SYCE1: variants seen among roughly 807,000 people sequenced by gnomAD.
SYCE1 encodes the protein cancer/testis antigen 76.
A neutral mutation model predicts 55.1 loss-of-function variants in SYCE1; 37 were observed. The ratio of observed to expected loss-of-function variants is 0.67; its 90% confidence interval spans 0.52 to 0.88. SYCE1 has a LOEUF of 0.88. SYCE1 is among the 40% of genes least tolerant of loss of function. The probability of loss-of-function intolerance (pLI) is 0.00; values close to 1 mark genes in which losing one functional copy is unlikely to be tolerated. For missense variants in SYCE1, 399 were observed against 416.4 expected (o/e 0.96, Z 0.36); for synonymous variants, 163 against 159.4 (o/e 1.02, Z -0.17).
intron 2 of SYCE1, 188 bp from the exon 3 acceptor site, chr10:133,559,548 G>T (rs1488554986): frequency 1.6e-6 from 1 of 611,150 alleles, no homozygotes; most frequent in Non-Finnish European, 3.0e-6. Flanking sequence ...ATAAGATACC[G>T]AATGGGGCTG....
At chr10:133,560,350 C>T (rs1851791060) in intron 1 of SYCE1, 197 bp from the exon 2 acceptor site, 1 of 488,348 alleles carries the variant, frequency 2.0e-6, no homozygotes, top group African/African-American at 2.0e-5. Flanking sequence ...TACCAGATAT[C>T]CTCTTTGTAA....
chr10:133,559,126 G>T (rs138940549), intron 3 of SYCE1, 175 bp from the exon 4 acceptor site: 2 of 913,160 alleles, frequency 2.2e-6, no homozygotes, highest in Admixed American at 4.9e-5. Flanking sequence ...AGGATCATGG[G>T]CATGTAACTA....
At position 133,558,765 on chromosome 10, in the gene SYCE1, A is replaced by G. The variant is rs538529076; in HGVS notation, c.271+112T>C. The G allele has an allele frequency of 2.6e-4, 268 of 1,018,760 alleles. 8 individuals carry two copies. The South Asian group carries it at 3.8e-3, about 15-fold the overall frequency. The allele number at this position is 1,018,760 out of a possible 1,614,324, so 63.1% of individuals were successfully genotyped here. A position where few individuals can be genotyped will look rare whatever the true frequency, so the allele number is the denominator to read the frequency against. On this transcript the variant is annotated intron_variant, in intron 4 of 12. Transcript: ENST00000343131. ...GGGGAGATTGGCAGGACATGAGGCT[A>G]GAGAGGGTACAGGACCCTTGGCCAT... is the stretch of plus-strand genomic sequence containing the variant.
upstream of SYCE1, among the ~76,000 whole-genome samples, chr10:133,567,143 A>G (rs1200714577): frequency 6.8e-6 from 1 of 147,004 alleles, no homozygotes; most frequent in East Asian, 2.1e-4. Context: ...GGTTAGGGTT[A>G]GGGGTCAGGG....
At chr10:133,564,011 A>C (rs1355350580) in intron 1 of SYCE1, among the ~76,000 whole-genome samples, 1 of 152,110 alleles carries the variant, frequency 6.6e-6, no homozygotes, top group Non-Finnish European at 1.5e-5. Flanking sequence ...TAAAACAGAT[A>C]GACTAAAACT....
At chr10:133,558,135 C>T (rs947789758) in intron 5 of SYCE1, 32 bp downstream of exon 5, 6 of 1,613,832 alleles carry the variant, frequency 3.7e-6, no homozygotes, top group Non-Finnish European at 4.2e-6. Context: ...TTGGCAAAGG[C>T]ACAAGCCTGG....
chr10:133,560,091 C>A lies in SYCE1; in HGVS notation c.136G>T (p.Val46Leu). 6.2e-7 allele frequency: 1 copy of A among 1,614,048 alleles called. No homozygotes were observed. The highest frequency in any genetic ancestry group is 8.5e-7 in the Non-Finnish European group (1 of 1,179,930). Residue 46 changes from valine (V) to leucine (L), a missense_variant and splice_region_variant, in exon 2 of 13, where the codon GTG (valine) becomes TTG (leucine). Physicochemically the swap from Val to Leu is conservative, Grantham distance 32. Coordinates refer to ENST00000343131, the MANE Select transcript of SYCE1 (RefSeq NM_001143764.3). Reference sequence around the variant, plus strand: ...GCCTCACACAAAGGAGACACACGACCTTTCTGCAGCTTTTGCACCATTTCC... The same window carrying A: ...GCCTCACACAAAGGAGACACACGACATTTCTGCAGCTTTTGCACCATTTCC... ...LMEMVQKLQK[V>L]GSLEPRVEVL... is the part of the protein sequence containing the mutation.
chr10:133,555,116 G>A lies in SYCE1; in HGVS notation c.932C>T (p.Pro311Leu), dbSNP rs920584756. 2 of 1,549,048 alleles carry A rather than the reference G, an allele frequency of 1.3e-6. No individual in the cohort carries two copies. The highest frequency in any genetic ancestry group is 1.4e-5 in the African/African-American group (1 of 72,936). ...AGCTCCAGGTCTTTCTCCTTTTAGG[G>A]GCTTGGGACTGGCCTGCAGGAGGTT... Reference protein sequence around the residue: ...AGPGDVASPKPLKGERPGAAH... With the variant: ...AGPGDVASPKLLKGERPGAAH... The change falls in exon 13 of 13, where the codon CCC becomes CTC. Residue 311 changes from proline to leucine, a missense_variant. Physicochemically the swap from Pro to Leu is moderately conservative, Grantham distance 98. Coordinates refer to ENST00000343131, the MANE Select transcript of SYCE1 (RefSeq NM_001143764.3).
chr10:133,560,335 AATTATACCAG>A, intron 1 of SYCE1, 182 bp from the exon 2 acceptor site: 1 of 531,106 alleles, frequency 1.9e-6, no homozygotes, highest in Non-Finnish European at 3.3e-6. Flanking sequence ...TATAAGGTAA[AATTATACCAG>A]ATATCCTCTT....
At chr10:133,564,561 G>T in intron 1 of SYCE1, 1 of 355,092 alleles carries the variant, frequency 2.8e-6, no homozygotes, top group Non-Finnish European at 3.9e-6. Context: ...CTCACTGTAG[G>T]GATGCTTTCT....
At chr10:133,554,042 C>CTAAT (rs1282652050), downstream of SYCE1, 3 of 369,294 alleles carry the variant, frequency 8.1e-6, no homozygotes, top group Non-Finnish European at 1.4e-5. Context: ...AAAGTTCCTT[C>CTAAT]TAATTGTGGG....
At chr10:133,560,000 C>T in intron 2 of SYCE1, 91 bp downstream of exon 2, 2 of 1,068,660 alleles carry the variant, frequency 1.9e-6, no homozygotes, top group African/African-American at 1.6e-5. Flanking sequence ...GGATTATTTC[C>T]CAAATTCGTA....
Position 133,555,147 on chromosome 10 carries a change from C to T in SYCE1, c.919-18G>A. ...GGACTGGCCTGCAGGAGGTTAGTGT[C>T]CAGGGTGGGAATTTACACCCATCCC... On this transcript the variant is annotated intron_variant, in intron 12 of 12. Coordinates refer to ENST00000343131, the MANE Select transcript of SYCE1 (RefSeq NM_001143764.3). The T allele has an allele frequency of 6.5e-7, 1 of 1,541,670 alleles. No homozygotes were observed. Among genetic ancestry groups the T allele is most frequent in the Non-Finnish European group, 8.7e-7 (1 of 1,143,294 alleles).
chr10:133,558,041 T>C, intron 5 of SYCE1, 123 bp from the exon 6 acceptor site: 1 of 1,519,824 alleles, frequency 6.6e-7, no homozygotes, highest in Non-Finnish European at 9.1e-7. Flanking sequence ...TTACTACATG[T>C]CTGGTGGAAG....
At position 133,561,464 on chromosome 10, in the gene SYCE1, A is replaced by C. The variant is rs529250534; in HGVS notation, c.74-1311T>G. Among the ~76,000 whole-genome samples the C allele has an allele frequency of 5.9e-5, 9 of 151,970 alleles. No individual in the cohort carries two copies. In the South Asian group the frequency reaches 1.9e-3, roughly 32 times the overall value. On this transcript the variant is annotated intron_variant, in intron 1 of 12. Coordinates refer to ENST00000343131, the MANE Select transcript of SYCE1 (RefSeq NM_001143764.3). The stretch of plus-strand genomic sequence containing the variant: ...CTAAACAACTCTACTCTTTTTTTGG[A>C]GTTTTTCTTGCTTCCAACAAGGAAG...
chr10:133,558,944 C>CA lies in SYCE1; in HGVS notation c.203_204insT (p.Lys68AsnfsTer5). On this transcript the variant is annotated frameshift_variant, in exon 4 of 13. Transcript: ENST00000343131. LOFTEE classifies it high-confidence loss of function. Reference sequence around the variant, plus strand: ...CCTCTCCTAGGTCTTTATTGGCTTTCTTTTTTGCTTCACCAAAGAGCAGAA... The same window carrying CA: ...CCTCTCCTAGGTCTTTATTGGCTTTCATTTTTTGCTTCACCAAAGAGCAGAA... 6.2e-7 allele frequency: 1 copy of CA among 1,610,682 alleles called. No homozygotes were observed. Among genetic ancestry groups the CA allele is most frequent in the Non-Finnish European group, 8.5e-7 (1 of 1,179,270 alleles).
chr10:133,564,844 A>C (rs568418850), intron 1 of SYCE1, among the ~76,000 whole-genome samples: 3 of 152,356 alleles, frequency 2.0e-5, no homozygotes, highest in Non-Finnish European at 4.4e-5. Flanking sequence ...GGAAACGGCC[A>C]GGACAGTGTC....
intron 1 of SYCE1, among the ~76,000 whole-genome samples, chr10:133,562,421 A>G (rs550835460): frequency 6.6e-6 from 1 of 151,878 alleles, no homozygotes; most frequent in East Asian, 1.9e-4. Context: ...TATTTTCTTC[A>G]TATAGTTCTG....
chr10:133,556,346 C>G lies in SYCE1; in HGVS notation c.529-299G>C, dbSNP rs148916488. 1.4e-3 allele frequency: 759 copies of G among 543,948 alleles called. 16 individuals are homozygous for G. The East Asian group carries it at 0.023, about 16-fold the overall frequency. 33.7% of individuals were successfully genotyped at this position (543,948 alleles called of 1,614,324 possible). ...GGCTGTTTTCTGGAGGATCAGGTAC[C>G]GGTTTAGCTCTGCAGCTCCTCCCCA... is the stretch of plus-strand genomic sequence containing the variant. On this transcript the variant is annotated intron_variant, in intron 8 of 12. Transcript: ENST00000343131.
Sources: allele counts gnomAD v4.1 joint callset (sites outside exome capture counted in the v4.1 genomes callset), GRCh38; gene constraint gnomAD v4.1.1; transcripts MANE v1.5; gene names NCBI Gene and HGNC (gene_info 2026-07-23, HGNC 2026-07-21).